The following DROSHA variants were observed in gnomAD, a reference collection of about 807,000 sequenced individuals.
DROSHA encodes drosha ribonuclease III.
A neutral mutation model predicts 181.9 loss-of-function variants in DROSHA; 56 were observed. That is an observed-to-expected ratio of 0.31 (90% CI 0.25 to 0.38). DROSHA has a LOEUF of 0.38. Among genes scored for constraint, DROSHA ranks in the 10% least tolerant of loss-of-function variants. DROSHA has a pLI of 1.00. For missense variants in DROSHA, 1,218 were observed against 1,743.5 expected (o/e 0.70, Z 5.37); for synonymous variants, 524 against 591.2 (o/e 0.89, Z 1.65).
At chr5:31,406,971 A>T (rs764489694) in intron 33 of DROSHA, 26 bp from the exon 34 acceptor site, 29 of 1,599,072 alleles carry the variant, frequency 1.8e-5, no homozygotes, top group Admixed American at 1.0e-4. Context: ...AAGAACATTT[A>T]TTATGGTAAA....
At chr5:31,509,152 A>G (rs1388268749) in intron 9 of DROSHA, among the ~76,000 whole-genome samples, 2 of 152,060 alleles carry the variant, frequency 1.3e-5, no homozygotes, top group Non-Finnish European at 2.9e-5. Context: ...AGGCTTCCAA[A>G]TGACCTAAAC....
intron 21 of DROSHA, among the ~76,000 whole-genome samples, chr5:31,449,627 T>C (rs1239015951): frequency 6.6e-6 from 1 of 152,064 alleles, no homozygotes; most frequent in East Asian, 1.9e-4. Context: ...CTCAAGAGGC[T>C]GAGGTGGGAG....
chr5:31,499,006 G>T (rs544121934), intron 11 of DROSHA, among the ~76,000 whole-genome samples: 2 of 152,190 alleles, frequency 1.3e-5, no homozygotes, highest in Non-Finnish European at 2.9e-5. Context: ...TTGCTGCCTG[G>T]CTGTGGAGGG....
At chr5:31,467,676 T>C (rs1305357386) in intron 18 of DROSHA, 1 of 189,338 alleles carries the variant, frequency 5.3e-6, no homozygotes, top group South Asian at 1.9e-4. Flanking sequence ...TCCTTAAAGT[T>C]TAAAAACATA....
At chr5:31,522,926 C>G (rs1740062454) in intron 5 of DROSHA, among the ~76,000 whole-genome samples, 1 of 152,132 alleles carries the variant, frequency 6.6e-6, no homozygotes. Context: ...AACAGTCCAC[C>G]CTAAGACAAT....
intron 15 of DROSHA, among the ~76,000 whole-genome samples, chr5:31,484,595 A>C (rs1467746782): frequency 3.3e-5 from 5 of 152,100 alleles, no homozygotes; most frequent in Admixed American, 6.6e-5. Context: ...AACTAATGGT[A>C]ATTTCCCAGG....
chr5:31,488,088 G>A lies in DROSHA; in HGVS notation c.1843-1526C>T, dbSNP rs77164544. Among the ~76,000 whole-genome samples, 884 of 152,166 alleles carry A rather than the reference G, an allele frequency of 5.8e-3. 7 individuals are homozygous for A. The highest frequency in any genetic ancestry group is 0.02 in the African/African-American group (847 of 41,500). The stretch of plus-strand genomic sequence containing the variant: ...AACAAAAAAAGTATAAAGTATAAAA[G>A]AACCAAAGAGGAGGTAACATATGAG... On this transcript the variant is annotated intron_variant, in intron 13 of 35. Coordinates refer to ENST00000344624, the MANE Select transcript of DROSHA (RefSeq NM_001382508.1).
chr5:31,419,699 C>T (rs575586130), intron 30 of DROSHA, among the ~76,000 whole-genome samples: 1 of 152,234 alleles, frequency 6.6e-6, no homozygotes, highest in Admixed American at 6.5e-5. Flanking sequence ...GTATTTAAAG[C>T]AAACATTTTC....
At chr5:31,436,797 CTA>C (rs1460371706) in intron 24 of DROSHA, among the ~76,000 whole-genome samples, 8 of 126,542 alleles carry the variant, frequency 6.3e-5, no homozygotes, top group Non-Finnish European at 3.4e-5. Flanking sequence ...CACACACACA[CTA>C]GAAAATCTGG....
intron 20 of DROSHA, among the ~76,000 whole-genome samples, chr5:31,453,823 A>G (rs949506030): frequency 5.3e-5 from 8 of 152,154 alleles, no homozygotes; most frequent in Admixed American, 5.2e-4. Flanking sequence ...TGTTACCTAC[A>G]AGACTTTAAA....
chr5:31,481,226 G>A (rs994763252), intron 16 of DROSHA, among the ~76,000 whole-genome samples: 2 of 151,788 alleles, frequency 1.3e-5, no homozygotes, highest in African/African-American at 2.4e-5. Context: ...TGTATCCTTC[G>A]GGGTCTTCTT....
At chr5:31,437,463 G>C (rs185634764) in intron 23 of DROSHA, 165 bp from the exon 24 acceptor site, 22 of 637,374 alleles carry the variant, frequency 3.5e-5, no homozygotes, top group Admixed American at 1.3e-4. Context: ...TAGCCTAGAG[G>C]CATCTGGCAC....
intron 30 of DROSHA, among the ~76,000 whole-genome samples, chr5:31,418,112 T>C (rs541012595): frequency 2.0e-5 from 3 of 152,312 alleles, no homozygotes; most frequent in South Asian, 2.1e-4. Flanking sequence ...CATTGCCTTA[T>C]GTTTTGCATG....
intron 8 of DROSHA, among the ~76,000 whole-genome samples, chr5:31,511,868 T>C (rs116609007): frequency 0.023 from 3,521 of 152,022 alleles, 124 homozygotes; most frequent in African/African-American, 0.08. Context: ...TCTTCTCCTA[T>C]ATCAATCCAT....
Position 31,470,694 on chromosome 5 carries a change from G to A in DROSHA, c.2241+1369C>T, listed in dbSNP as rs2150028284. Among the ~76,000 whole-genome samples, 1 of 152,174 alleles carries A rather than the reference G, an allele frequency of 6.6e-6. No homozygotes were observed. The highest frequency in any genetic ancestry group is 1.9e-4 in the East Asian group (1 of 5,174). ...ATAAGGTAGCTATATCCTTAAGCCA[G>A]GGTATCCTTAAGTTTTTTTTTAAAC... On this transcript the variant is annotated intron_variant, in intron 17 of 35. Coordinates refer to ENST00000344624, the MANE Select transcript of DROSHA (RefSeq NM_001382508.1). The surrounding 1 kb of genome is among the most constrained non-coding windows in gnomAD (Gnocchi z 4.0).
At chr5:31,465,893 T>G (rs1376403139) in intron 19 of DROSHA, among the ~76,000 whole-genome samples, 1 of 152,178 alleles carries the variant, frequency 6.6e-6, no homozygotes, top group East Asian at 1.9e-4. Context: ...TTGTACAGCC[T>G]GCAGAAACGT....
In DROSHA at chr5:31,508,858, C is replaced by A. The variant is rs987164994; in HGVS notation, c.1433-83G>T. On this transcript the variant is annotated intron_variant, in intron 9 of 35. Coordinates refer to ENST00000344624, the MANE Select transcript of DROSHA (RefSeq NM_001382508.1). Reference sequence around the variant, plus strand: ...TTTTTCCCTGAGTTGGAGTCTCGCTCTGTCACCCAGGCTGGAGTGCAGTGC... The same window carrying A: ...TTTTTCCCTGAGTTGGAGTCTCGCTATGTCACCCAGGCTGGAGTGCAGTGC... 1.0e-5 allele frequency: 15 copies of A among 1,462,588 alleles called. 1 individual carries two copies. The Middle Eastern group carries it at 7.3e-4, about 71-fold the overall frequency. 90.6% of individuals were successfully genotyped at this position (1,462,588 alleles called of 1,614,324 possible).
chr5:31,492,159 T>G (rs530750949), intron 13 of DROSHA, among the ~76,000 whole-genome samples: 3 of 152,258 alleles, frequency 2.0e-5, no homozygotes, highest in African/African-American at 7.2e-5. Context: ...ATATATATTA[T>G]GAAATGATTT....
intron 13 of DROSHA, among the ~76,000 whole-genome samples, chr5:31,488,050 AAAAC>A (rs1240543061): frequency 1.3e-5 from 2 of 152,206 alleles, no homozygotes; most frequent in Admixed American, 1.3e-4. Context: ...GTTCAATTAA[AAAAC>A]AAACAAGCAA....
Sources: allele counts gnomAD v4.1 joint callset (sites outside exome capture counted in the v4.1 genomes callset), GRCh38; gene constraint gnomAD v4.1.1; non-coding constraint Gnocchi (gnomAD v3.1); transcripts MANE v1.5; gene names NCBI Gene and HGNC (gene_info 2026-07-23, HGNC 2026-07-21).